The following CD22 variants were observed in gnomAD, a reference collection of about 807,000 sequenced individuals.
CD22 encodes CD22 molecule.
In CD22, 51 loss-of-function variants were observed where a neutral mutation model predicts 94.7. The observed-to-expected ratio is 0.54, with a 90% CI of 0.43 to 0.68. The LOEUF is 0.68. Ranked by LOEUF, CD22 falls within the 30% of genes least tolerant of loss-of-function variation. The pLI, the probability that CD22 is intolerant of heterozygous loss-of-function variation, is 0.00. For synonymous variants in CD22, 424 were observed against 422.5 expected, an observed-to-expected ratio of 1.00 and a Z score of -0.04; for missense variants, 931 against 1,060.4, an observed-to-expected ratio of 0.88 and a Z score of 1.69.
chr19:35,343,040 C>T (rs866743084), intron 9 of CD22, among the ~76,000 whole-genome samples: 2 of 151,990 alleles, frequency 1.3e-5, no homozygotes, highest in African/African-American at 4.8e-5. Flanking sequence ...CCTCGTGATC[C>T]GCTCGCCTCG....
rs895996155 is a variant in CD22 at position 35,344,067 on chromosome 19, G to A, written c.2036-762G>A. On this transcript the variant is annotated intron_variant, in intron 9 of 13. Coordinates refer to ENST00000085219, the MANE Select transcript of CD22 (RefSeq NM_001771.4). ...AAAAATTAGCTGGGTGTGGTGGCGC[G>A]CACCTGTAGTCCCAACTACTCGGGA... is the stretch of plus-strand genomic sequence containing the variant. Among the ~76,000 whole-genome samples the A allele has an allele frequency of 1.7e-4, 26 of 152,134 alleles. 1 individual carries two copies. The highest frequency in any genetic ancestry group is 5.6e-4 in the African/African-American group (23 of 41,414).
In CD22 at chr19:35,341,013, C is replaced by T; in HGVS notation, c.1382C>T (p.Ala461Val). 1 of 1,614,232 alleles carries T rather than the reference C, an allele frequency of 6.2e-7. No individual in the cohort carries two copies. Among genetic ancestry groups the T allele is most frequent in the South Asian group, 1.1e-5 (1 of 91,088 alleles). ...CGGTATGAATGGAAACCCCATGGCG[C>T]CTGGGAGGAGCCATCGCTTGGGGTG... ...VTRYEWKPHG[A>V]WEEPSLGVLK... is the part of the protein sequence containing the mutation. The change falls in exon 7 of 14, where the codon GCC (alanine) becomes GTC (valine). Residue 461 changes from alanine to valine, a missense_variant. Physicochemically the swap from Ala to Val is moderately conservative, Grantham distance 64. Coordinates refer to ENST00000085219, the MANE Select transcript of CD22 (RefSeq NM_001771.4). This position sits in a 1 kb window ranked among gnomAD's most constrained non-coding sequence, Gnocchi z 4.0.
intron 1 of CD22, chr19:35,330,584 C>G (rs1383279373): frequency 6.6e-6 from 1 of 152,240 alleles, no homozygotes; most frequent in African/African-American, 2.4e-5. Context: ...TACCCAGCAG[C>G]CTTTGGCATG....
intron 2 of CD22, chr19:35,332,329 C>T: frequency 3.1e-6 from 2 of 647,132 alleles, no homozygotes; most frequent in Non-Finnish European, 5.2e-6. Flanking sequence ...AGAAAGCTCT[C>T]TGCTGGGTGC....
Position 35,332,534 on chromosome 19 carries a change from T to C in CD22, c.35-13T>C, listed in dbSNP as rs779756955. 2 of 1,590,136 alleles carry C rather than the reference T, an allele frequency of 1.3e-6. No individual in the cohort carries two copies. The highest frequency in any genetic ancestry group is 1.7e-6 in the Non-Finnish European group (2 of 1,169,822). On this transcript the variant is annotated splice_polypyrimidine_tract_variant and intron_variant, in intron 2 of 13. Coordinates refer to ENST00000085219, the MANE Select transcript of CD22 (RefSeq NM_001771.4). ...ATGCCCCCTTAGTAATGCTTTCTGA[T>C]CACTGTGGTGAGTTCTAGAATACTT...
intron 1 of CD22, 168 bp from the exon 2 acceptor site, chr19:35,331,851 A>G (rs2145645689): frequency 7.1e-7 from 1 of 1,406,444 alleles, no homozygotes. Flanking sequence ...TGTCTCAAAA[A>G]AAAAGAAAGA....
chr19:35,344,937 C>T lies in CD22; in HGVS notation c.2132+12C>T, dbSNP rs1383063966. ...AAGCTCCAGCGACGGTGAGCTCCTG[C>T]CATCCCCCACCACCTCCTCTATCCC... On this transcript the variant is annotated intron_variant, in intron 10 of 13. Transcript: ENST00000085219. 1.2e-6 allele frequency: 2 copies of T among 1,608,470 alleles called. No homozygotes were observed. Among genetic ancestry groups the T allele is most frequent in the Non-Finnish European group, 1.7e-6 (2 of 1,174,920 alleles).
At chr19:35,329,952 A>G (rs1243165670) in intron 1 of CD22, 2 of 152,352 alleles carry the variant, frequency 1.3e-5, no homozygotes, top group Non-Finnish European at 2.9e-5. Flanking sequence ...AATGTATTAT[A>G]CTATACTCTA....
Position 35,336,403 on chromosome 19 carries a change from G to T in CD22, c.718+62G>T, listed in dbSNP as rs1041870536. 31 of 1,523,872 alleles carry T rather than the reference G, an allele frequency of 2.0e-5. No homozygotes were observed. The South Asian group carries it at 3.6e-4, about 18-fold the overall frequency. 94.4% of individuals were successfully genotyped at this position (1,523,872 alleles called of 1,614,324 possible). ...TCTGTGTCACCTTCTCCCCAGCCCC[G>T]CAGGGGGCATGCACCCAGGGCAGGG... On this transcript the variant is annotated intron_variant, in intron 4 of 13. Transcript: ENST00000085219.
Position 35,338,276 on chromosome 19 carries a change from C to T in CD22, c.1094C>T (p.Thr365Met), listed in dbSNP as rs1260950347. The part of the protein sequence containing the change: ...SLANPLPTNY[T>M]WYHNGKEMQG... The stretch of plus-strand genomic sequence containing the variant: ...GCCAATCCTCTTCCAACAAATTACA[C>T]GTGGTACCACAATGGGAAAGAAATG... Residue 365 changes from threonine (T) to methionine (M), a missense_variant, in exon 6 of 14, where the codon ACG becomes ATG. Coordinates refer to ENST00000085219, the MANE Select transcript of CD22 (RefSeq NM_001771.4). 6 of 1,614,228 alleles carry T rather than the reference C, an allele frequency of 3.7e-6. No individual in the cohort carries two copies. Among genetic ancestry groups the T allele is most frequent in the Admixed American group, 1.7e-5 (1 of 60,024 alleles).
intron 9 of CD22, 29 bp from the exon 10 acceptor site, chr19:35,344,800 T>A: frequency 3.3e-6 from 5 of 1,536,114 alleles, no homozygotes; most frequent in Non-Finnish European, 4.5e-6. Flanking sequence ...GCCCCTCAGT[T>A]GATTAAGGTC....
At position 35,336,195 on chromosome 19, in the gene CD22, C is replaced by T; in HGVS notation, c.572C>T (p.Thr191Ile). 1 of 1,614,218 alleles carries T rather than the reference C, an allele frequency of 6.2e-7. No individual in the cohort carries two copies. The highest frequency in any genetic ancestry group is 1.6e-4 in the Middle Eastern group (1 of 6,062). Residue 191 changes from threonine (T) to isoleucine (I), a missense_variant, in exon 4 of 14, where the codon ACC (threonine) becomes ATC (isoleucine). Transcript: ENST00000085219. The part of the protein sequence containing the change: ...VPMRQAAVTS[T>I]SLTIKSVFTR... Reference sequence around the variant, plus strand: ...ATGAGGCAGGCTGCTGTCACCTCGACCTCCTTGACCATCAAGTCTGTCTTC... The same window carrying T: ...ATGAGGCAGGCTGCTGTCACCTCGATCTCCTTGACCATCAAGTCTGTCTTC...
chr19:35,337,705 C>T lies in CD22; in HGVS notation c.719-50C>T. 3 of 1,520,764 alleles carry T rather than the reference C, an allele frequency of 2.0e-6. No homozygotes were observed. Among genetic ancestry groups the T allele is most frequent in the Non-Finnish European group, 2.7e-6 (3 of 1,114,962 alleles). The allele number at this position is 1,520,764 out of a possible 1,614,324, so 94.2% of individuals were successfully genotyped here. On this transcript the variant is annotated intron_variant, in intron 4 of 13. Coordinates refer to ENST00000085219, the MANE Select transcript of CD22 (RefSeq NM_001771.4). The surrounding 1 kb of genome is among the most constrained non-coding windows in gnomAD (Gnocchi z 4.4). ...ATAAAAGCACTTTCCACACCCTCCA[C>T]CCTCTGAGGATTCCCCGCCCCCTCC... is the stretch of plus-strand genomic sequence containing the variant.
Position 35,345,131 on chromosome 19 carries a change from G to T in CD22, c.2208+5G>T. The stretch of plus-strand genomic sequence containing the variant: ...TTCTTTGTGAGGAATAAAAAGGTAG[G>T]ATGGGGCTGGGCACGATGGCTCATG... On this transcript the variant is annotated splice_donor_5th_base_variant and intron_variant, in intron 11 of 13. Coordinates refer to ENST00000085219, the MANE Select transcript of CD22 (RefSeq NM_001771.4). The T allele has an allele frequency of 6.2e-7, 1 of 1,613,484 alleles. No individual in the cohort carries two copies. Among genetic ancestry groups the T allele is most frequent in the Non-Finnish European group, 8.5e-7 (1 of 1,179,720 alleles).
intron 12 of CD22, 76 bp downstream of exon 12, chr19:35,345,796 C>T: frequency 9.6e-7 from 1 of 1,043,520 alleles, no homozygotes; most frequent in South Asian, 1.3e-5. Context: ...CGCCTGCCCT[C>T]TTTGTGCCAG....
rs760796503 is a variant in CD22, at chr19:35,332,070, C to A, written c.30C>A (p.Leu10=). 6.2e-7 allele frequency: 1 copy of A among 1,613,920 alleles called. No homozygotes were observed. The highest frequency in any genetic ancestry group is 8.5e-7 in the Non-Finnish European group (1 of 1,179,910). The change falls in exon 2 of 14, where the codon CTC becomes CTA. Residue 10 remains leucine (L), a synonymous_variant. Transcript: ENST00000085219. MHLLGPWLL[L]LVLEYLAFSD... ...ATCTCCTCGGCCCCTGGCTCCTGCT[C>A]CTGGGTAAGGACTGTGGCCTGGGCT...
Position 35,336,354 on chromosome 19 carries a change from G to C in CD22, c.718+13G>C, listed in dbSNP as rs367577347. 9 of 1,611,134 alleles carry C rather than the reference G, an allele frequency of 5.6e-6. No homozygotes were observed. Among genetic ancestry groups the C allele is most frequent in the Non-Finnish European group, 7.6e-6 (9 of 1,178,158 alleles). ...CTGAACGTGAAGCGTGAGTCTCCCC[G>C]GCATGCCTGTGGGAAGGGCAAGGTC... On this transcript the variant is annotated intron_variant, in intron 4 of 13. Coordinates refer to ENST00000085219, the MANE Select transcript of CD22 (RefSeq NM_001771.4).
At chr19:35,332,131 G>A (rs2066654176) in intron 2 of CD22, 57 bp downstream of exon 2, 5 of 1,608,134 alleles carry the variant, frequency 3.1e-6, no homozygotes, top group African/African-American at 2.7e-5. Flanking sequence ...GGGCACTGGA[G>A]GAGGAGGAAA....
Position 35,345,650 on chromosome 19 carries a change from A to C in CD22, c.2257A>C (p.Asn753His). ...AGGCCCCCACTCCCTGGGATGCTAC[A>C]ATCCAATGATGGAAGATGGCATTAG... ...SEGPHSLGCY[N>H]PMMEDGISYT... The change falls in exon 12 of 14, where the codon AAT becomes CAT. Residue 753 changes from asparagine (N) to histidine (H), a missense_variant. Asn to His is a moderately conservative substitution (Grantham distance 68). Coordinates refer to ENST00000085219, the MANE Select transcript of CD22 (RefSeq NM_001771.4). The C allele has an allele frequency of 1.2e-6, 2 of 1,613,938 alleles. No individual in the cohort carries two copies. The highest frequency in any genetic ancestry group is 1.7e-6 in the Non-Finnish European group (2 of 1,179,864).
Sources: gnomAD v4.1 joint callset for allele counts (sites outside exome capture counted in the v4.1 genomes callset) on GRCh38, gnomAD v4.1.1 for gene constraint, Gnocchi (gnomAD v3.1) non-coding constraint, MANE v1.5 for transcripts, NCBI Gene and HGNC (gene_info 2026-07-23, HGNC 2026-07-21) for gene names.